Variants in ANP32A observed in about 807,000 individuals in gnomAD.
The protein encoded by ANP32A is acidic leucine-rich nuclear phosphoprotein 32 family member A.
ANP32A carries 1 observed loss-of-function variant against 33.9 expected under a neutral mutation model. The ratio of observed to expected loss-of-function variants is 0.03; its 90% CI spans 0.01 to 0.14. The LOEUF (loss-of-function observed/expected upper bound fraction) is 0.14, where lower values mean the gene tolerates loss of function less well. Ranked by LOEUF, ANP32A falls within the 10% of genes least tolerant of loss-of-function variation. The probability of loss-of-function intolerance (pLI) is 1.00; values close to 1 mark genes in which losing one functional copy is unlikely to be tolerated. For synonymous variants in ANP32A, 115 were observed against 120.5 expected (o/e 0.95, Z 0.30); for missense variants, 155 against 306.0 (o/e 0.51, Z 3.68).
chr15:68,813,790 G>T (rs11635660), intron 1 of ANP32A, among the ~76,000 whole-genome samples: 139,703 of 151,986 alleles, frequency 0.92, 64,934 homozygotes, highest in Non-Finnish European at 0.98. Flanking sequence ...ACAAGCTCCC[G>T]GCTCCTTTCC....
chr15:68,815,129 G>T (rs577675368), intron 1 of ANP32A, among the ~76,000 whole-genome samples: 5 of 152,236 alleles, frequency 3.3e-5, no homozygotes, highest in Admixed American at 3.3e-4. Flanking sequence ...TACTTACAGG[G>T]CACAGAACAC....
In ANP32A at chr15:68,792,516, T is replaced by C. The variant is rs556689760; in HGVS notation, c.55-4597A>G. On this transcript the variant is annotated intron_variant, in intron 1 of 6. Coordinates refer to ENST00000465139, the MANE Select transcript of ANP32A (RefSeq NM_006305.4). ...AGACCTGTCAGTCATTTTTCACCAA[T>C]GGGACCTGAAAATTCCATGATAAAC... Among the ~76,000 whole-genome samples the C allele has an allele frequency of 4.6e-5, 7 of 152,342 alleles. No homozygotes were observed. The South Asian group carries it at 1.4e-3, about 32-fold the overall frequency.
intron 3 of ANP32A, among the ~76,000 whole-genome samples, chr15:68,786,252 C>CTTTT (rs558065991): frequency 3.2e-4 from 29 of 90,114 alleles, no homozygotes; most frequent in Admixed American, 5.2e-4. Context: ...GCTGCTGCTG[C>CTTTT]TTTTTTTTTT....
chr15:68,779,814 T>C lies in ANP32A; in HGVS notation c.*267A>G. 1 of 469,660 alleles carries C rather than the reference T, an allele frequency of 2.1e-6. No individual in the cohort carries two copies. Among genetic ancestry groups the C allele is most frequent in the Non-Finnish European group, 3.8e-6 (1 of 262,812 alleles). The allele number at this position is 469,660 out of a possible 1,614,324, so 29.1% of individuals were successfully genotyped here. ...TGCTCACTTAGTGTGTACTTAGCTA[T>C]CGCATTTACAGGGACAAAAACCGGA... is the stretch of plus-strand genomic sequence containing the variant. On this transcript the variant is annotated 3_prime_UTR_variant, in exon 7 of 7. Transcript: ENST00000465139.
intron 3 of ANP32A, among the ~76,000 whole-genome samples, chr15:68,785,516 C>A (rs1038042760): frequency 2.6e-5 from 4 of 152,200 alleles, no homozygotes; most frequent in Non-Finnish European, 5.9e-5. Context: ...TCCTTGGAGT[C>A]AATGTCGGGA....
At chr15:68,786,891 G>A (rs1019517275) in intron 3 of ANP32A, among the ~76,000 whole-genome samples, 2 of 152,130 alleles carry the variant, frequency 1.3e-5, no homozygotes, top group African/African-American at 2.4e-5. Flanking sequence ...TCCACACCAC[G>A]TTGAGGAAGG....
chr15:68,808,467 A>T (rs1189751174), intron 1 of ANP32A, among the ~76,000 whole-genome samples: 1 of 152,224 alleles, frequency 6.6e-6, no homozygotes, highest in Non-Finnish European at 1.5e-5. Flanking sequence ...CCAGCCCAGG[A>T]TGCAAGGACT....
chr15:68,784,311 CAG>C, intron 4 of ANP32A, 84 bp downstream of exon 4: 1 of 1,484,534 alleles, frequency 6.7e-7, no homozygotes, highest in Non-Finnish European at 9.2e-7. Flanking sequence ...TCCCAACACC[CAG>C]CCCACCCACC....
chr15:68,800,857 GT>G (rs1291974560), intron 1 of ANP32A, among the ~76,000 whole-genome samples: 2 of 151,520 alleles, frequency 1.3e-5, no homozygotes, highest in Admixed American at 1.3e-4. Context: ...CAGCAGAGAC[GT>G]AAGGCCAAGT....
At chr15:68,809,421 A>G (rs899625179) in intron 1 of ANP32A, among the ~76,000 whole-genome samples, 1 of 152,242 alleles carries the variant, frequency 6.6e-6, no homozygotes, top group Non-Finnish European at 1.5e-5. Flanking sequence ...GCCCAAGCCA[A>G]TCCACTGGGA....
chr15:68,809,183 C>T (rs1284126435), intron 1 of ANP32A, among the ~76,000 whole-genome samples: 2 of 152,190 alleles, frequency 1.3e-5, no homozygotes, highest in Non-Finnish European at 2.9e-5. Context: ...CAAGCTGACA[C>T]ACGGCAGTGG....
chr15:68,816,790 AT>A (rs1359150186), intron 1 of ANP32A, among the ~76,000 whole-genome samples: 1 of 152,162 alleles, frequency 6.6e-6, no homozygotes, highest in Non-Finnish European at 1.5e-5. Flanking sequence ...GGTCTGTGTA[AT>A]TCCTAAGCCC....
rs1454110129 is a variant in ANP32A at position 68,820,630 on chromosome 15, G to GCA, written c.54+67_54+68insTG. 7.7e-5 allele frequency: 89 copies of GCA among 1,155,464 alleles called. No homozygotes were observed. The South Asian group carries it at 9.5e-4, about 12-fold the overall frequency. The allele number at this position is 1,155,464 out of a possible 1,614,324, so 71.6% of individuals were successfully genotyped here. A position where few individuals can be genotyped will look rare whatever the true frequency, so the allele number is the denominator to read the frequency against. On this transcript the variant is annotated intron_variant, in intron 1 of 6. Coordinates refer to ENST00000465139, the MANE Select transcript of ANP32A (RefSeq NM_006305.4). ...CCCAAAAAAAGTGCCTCCCCCCAGCGCGCACACACACACACACACACAAAG... is the reference window on the plus strand; with the variant it reads ...CCCAAAAAAAGTGCCTCCCCCCAGCGCACGCACACACACACACACACACAAAG...
chr15:68,807,330 G>A (rs1333270317), intron 1 of ANP32A, among the ~76,000 whole-genome samples: 1 of 151,806 alleles, frequency 6.6e-6, no homozygotes. Flanking sequence ...TATGGGAAAG[G>A]TGAGCCAGCG....
chr15:68,786,160 C>T (rs191250151), intron 3 of ANP32A, among the ~76,000 whole-genome samples: 2 of 152,262 alleles, frequency 1.3e-5, no homozygotes, highest in East Asian at 1.9e-4. Flanking sequence ...CCAACCTCCC[C>T]TATAAACCCA....
chr15:68,795,435 C>CT (rs1236480716), intron 1 of ANP32A, among the ~76,000 whole-genome samples: 1 of 152,202 alleles, frequency 6.6e-6, no homozygotes, highest in Non-Finnish European at 1.5e-5. Context: ...AGCTGAGGCG[C>CT]GCTGCAGCGG....
At chr15:68,806,925 T>C (rs768583129) in intron 1 of ANP32A, among the ~76,000 whole-genome samples, 10 of 152,242 alleles carry the variant, frequency 6.6e-5, no homozygotes, top group African/African-American at 9.6e-5. Context: ...TCTGCCATCG[T>C]CACAGAGCTC....
Position 68,786,320 on chromosome 15 carries a change from C to T in ANP32A, c.327+1093G>A, listed in dbSNP as rs537247131. ...TGTCACCCAGGCTGGAGTGCAGTGACGCGATCTCAGCTCATTGCAACCTCT... is the reference window on the plus strand; with the variant it reads ...TGTCACCCAGGCTGGAGTGCAGTGATGCGATCTCAGCTCATTGCAACCTCT... On this transcript the variant is annotated intron_variant, in intron 3 of 6. Coordinates refer to ENST00000465139, the MANE Select transcript of ANP32A (RefSeq NM_006305.4). Among the ~76,000 whole-genome samples the T allele has an allele frequency of 7.7e-5, 11 of 142,828 alleles. No individual in the cohort carries two copies. In the East Asian group the frequency reaches 1.2e-3, roughly 16 times the overall value. 93.7% of individuals were successfully genotyped at this position (142,828 alleles called of 152,430 possible).
At chr15:68,805,377 T>G (rs758791037) in intron 1 of ANP32A, among the ~76,000 whole-genome samples, 17 of 152,204 alleles carry the variant, frequency 1.1e-4, no homozygotes, top group Non-Finnish European at 2.1e-4. Flanking sequence ...GTCACAAATG[T>G]GTTTAAAATT....
Sources: allele counts gnomAD v4.1 joint callset (sites outside exome capture counted in the v4.1 genomes callset), GRCh38; gene constraint gnomAD v4.1.1; transcripts MANE v1.5; gene names NCBI Gene and HGNC (gene_info 2026-07-23, HGNC 2026-07-21).